RAB33A: variants seen among roughly 807,000 people sequenced by gnomAD.
RAB33A encodes RAB33A, member RAS oncogene family, also known as ras-related protein Rab-33A.
In RAB33A, 6 loss-of-function variants were observed where a neutral mutation model predicts 12.0. The ratio of observed to expected loss-of-function variants is 0.50; its 90% CI spans 0.27 to 0.99. RAB33A has a LOEUF of 0.99. RAB33A is among the 50% of genes least tolerant of loss of function. RAB33A has a pLI of 0.11. For missense variants in RAB33A, 109 were observed against 192.0 expected, an observed-to-expected ratio of 0.57 and a Z score of 2.55; for synonymous variants, 70 against 82.4, an observed-to-expected ratio of 0.85 and a Z score of 0.81.
the RAB33A span, among the ~76,000 whole-genome samples, chrX:130,124,623 G>A: frequency 8.9e-6 from 1 of 112,437 alleles, no homozygotes; most frequent in Non-Finnish European, 1.9e-5. Flanking sequence ...TTGGCTATTT[G>A]TGTCCAAATT....
chrX:130,114,947 A>C, the RAB33A span, among the ~76,000 whole-genome samples: 5 of 111,136 alleles, frequency 4.5e-5, no homozygotes, highest in Non-Finnish European at 9.4e-5. Context: ...GGGACTACAG[A>C]TGCACACCAC....
At chrX:130,167,574 C>G (rs1202272018), upstream of RAB33A, among the ~76,000 whole-genome samples, 1 of 112,003 alleles carries the variant, frequency 8.9e-6, no homozygotes, top group African/African-American at 3.2e-5. Flanking sequence ...GAAACCCCGT[C>G]TCTACAAAAA....
chrX:130,161,975 T>C, the RAB33A span, among the ~76,000 whole-genome samples: 128 of 112,097 alleles, frequency 1.1e-3, no homozygotes, highest in African/African-American at 3.4e-3. Context: ...TAGTAATAAC[T>C]ATAGTACAGC....
the RAB33A span, among the ~76,000 whole-genome samples, chrX:130,163,639 T>C: frequency 8.9e-6 from 1 of 112,373 alleles, no homozygotes; most frequent in Admixed American, 9.5e-5. Context: ...TACAGTAGAC[T>C]GCCTTCAAAC....
chrX:130,180,048 G>C (rs2031705255), intron 1 of RAB33A, among the ~76,000 whole-genome samples: 1 of 110,492 alleles, frequency 9.1e-6, no homozygotes, highest in African/African-American at 3.3e-5. Context: ...GAATGGGTGA[G>C]ATTTGGATAG....
chrX:130,168,109 C>T (rs182584616), upstream of RAB33A, among the ~76,000 whole-genome samples: 2 of 107,383 alleles, frequency 1.9e-5, no homozygotes, highest in African/African-American at 6.8e-5. Context: ...CCTAGGAGAT[C>T]GAGACTGCAG....
chrX:130,173,890 A>C (rs1431428249), intron 1 of RAB33A, among the ~76,000 whole-genome samples: 1 of 112,124 alleles, frequency 8.9e-6, no homozygotes. Context: ...TAAACCTCAA[A>C]AACCTAATGC....
chrX:130,182,774 A>G (rs2031745716), intron 1 of RAB33A, among the ~76,000 whole-genome samples: 1 of 111,534 alleles, frequency 9.0e-6, no homozygotes, highest in African/African-American at 3.2e-5. Context: ...ATAAAAGAAA[A>G]GAAAAAAGAA....
chrX:130,137,303 C>T, the RAB33A span: 1 of 1,187,107 alleles, frequency 8.4e-7, no homozygotes, highest in Non-Finnish European at 1.1e-6. Flanking sequence ...AGCTGCAATC[C>T]AGGCCGAGCG....
the RAB33A span, among the ~76,000 whole-genome samples, chrX:130,123,377 C>A: frequency 6.6e-4 from 73 of 111,279 alleles, no homozygotes; most frequent in African/African-American, 2.3e-3. Flanking sequence ...CCCCTGGAAC[C>A]CAAAGAGGAA....
the RAB33A span, among the ~76,000 whole-genome samples, chrX:130,166,164 C>T: frequency 4.5e-4 from 50 of 111,887 alleles, no homozygotes; most frequent in Middle Eastern, 4.6e-3. Flanking sequence ...ACACCAGTTA[C>T]TTGATACCGA....
At chrX:130,183,528 C>T (rs1008734653) in intron 1 of RAB33A, among the ~76,000 whole-genome samples, 12 of 109,484 alleles carry the variant, frequency 1.1e-4, no homozygotes, top group African/African-American at 3.4e-4. Flanking sequence ...GCACCCCAGC[C>T]TGGGTGACAG....
chrX:130,169,949 A>G, upstream of RAB33A, among the ~76,000 whole-genome samples: 1 of 112,148 alleles, frequency 8.9e-6, no homozygotes, highest in East Asian at 2.8e-4. Context: ...ACAGAGGGGA[A>G]CGATCCAGCA....
the RAB33A span, among the ~76,000 whole-genome samples, chrX:130,121,699 G>A: frequency 8.9e-6 from 1 of 112,680 alleles, no homozygotes; most frequent in African/African-American, 3.2e-5. Context: ...TGTTCTAGGG[G>A]TGCACAGGGA....
chrX:130,165,594 C>A, the RAB33A span: 1 of 1,203,053 alleles, frequency 8.3e-7, no homozygotes. Flanking sequence ...CGCACACGGT[C>A]CGCACCAAGG....
At chrX:130,146,324 G>C in the RAB33A span, among the ~76,000 whole-genome samples, 490 of 109,164 alleles carry the variant, frequency 4.5e-3, 3 homozygotes, top group African/African-American at 0.016. Flanking sequence ...CGCACCTGTA[G>C]TCCTAGCTAC....
chrX:130,166,863 A>G, the RAB33A span, among the ~76,000 whole-genome samples: 1 of 112,069 alleles, frequency 8.9e-6, no homozygotes, highest in Admixed American at 9.5e-5. Flanking sequence ...TTTTGACTTT[A>G]TGATGGGTTT....
chrX:130,160,510 T>C, the RAB33A span, among the ~76,000 whole-genome samples: 4 of 112,263 alleles, frequency 3.6e-5, no homozygotes, highest in Non-Finnish European at 3.8e-5. Context: ...TCAATAAATA[T>C]TTGTTGAATT....
chrX:130,172,257 T>C lies in RAB33A; in HGVS notation c.195T>C (p.Thr65=), dbSNP rs1381061200. Residue 65 remains threonine, a synonymous_variant, in exon 1 of 2, where the codon ACT becomes ACC. Coordinates refer to ENST00000257017, the MANE Select transcript of RAB33A (RefSeq NM_004794.3). ...GCGGGGGTACCTTCCCAGACAAGAC[T>C]GAAGCCACCATCGGCGTGGACTTCA... The part of the protein sequence containing the change: ...RFCGGTFPDK[T]EATIGVDFRE... 8.3e-7 allele frequency: 1 copy of C among 1,210,702 alleles called. No individual in the cohort carries two copies. Among genetic ancestry groups the C allele is most frequent in the Non-Finnish European group, 1.1e-6 (1 of 895,259 alleles).
Sources: gnomAD v4.1 joint callset for allele counts (sites outside exome capture counted in the v4.1 genomes callset) on GRCh38, gnomAD v4.1.1 for gene constraint, MANE v1.5 for transcripts, NCBI Gene and HGNC (gene_info 2026-07-23, HGNC 2026-07-21) for gene names.